EIF4B: variants seen among roughly 807,000 people sequenced by gnomAD.
The protein encoded by EIF4B is eukaryotic translation initiation factor 4B.
EIF4B carries 8 observed loss-of-function variants against 79.3 expected under a neutral mutation model. That is an observed-to-expected ratio of 0.10 (90% CI 0.06 to 0.18). The LOEUF is 0.18. EIF4B is among the 10% of genes least tolerant of loss of function. EIF4B has a pLI of 1.00. For synonymous variants in EIF4B, 238 were observed against 274.7 expected (o/e 0.87, Z 1.32); for missense variants, 515 against 792.4 (o/e 0.65, Z 4.20).
chr12:53,022,355 A>T, intron 5 of EIF4B, 138 bp from the exon 6 acceptor site: 2 of 1,241,258 alleles, frequency 1.6e-6, no homozygotes, highest in Non-Finnish European at 1.2e-6. Context: ...GCATGTACTT[A>T]TGGGGCCTGA....
intron 4 of EIF4B, among the ~76,000 whole-genome samples, chr12:53,020,732 T>C (rs1260260599): frequency 2.6e-5 from 4 of 152,188 alleles, no homozygotes; most frequent in Admixed American, 2.6e-4. Flanking sequence ...AGAAATAGTT[T>C]TGCTGCCTCA....
Position 53,024,648 on chromosome 12 carries a change from C to CTTTGT in EIF4B, c.667+2046_667+2050dup, listed in dbSNP as rs145603743. Among the ~76,000 whole-genome samples the CTTTGT allele has an allele frequency of 7.6e-3, 1,155 of 152,020 alleles. 13 individuals carry two copies. Among genetic ancestry groups the CTTTGT allele is most frequent in the African/African-American group, 0.022 (895 of 41,448 alleles). ...ACAGACCAACTTAAATTTACAAGCT[C>CTTTGT]TTTGTTTTGTTTTGTTTTGTTTTGT... On this transcript the variant is annotated intron_variant, in intron 6 of 14. Coordinates refer to ENST00000262056, the MANE Select transcript of EIF4B (RefSeq NM_001417.7).
At chr12:53,022,266 C>G in intron 5 of EIF4B, 1 of 713,462 alleles carries the variant, frequency 1.4e-6, no homozygotes, top group East Asian at 2.8e-5. Flanking sequence ...ACTCCTGGCC[C>G]ATACAGAATT....
intron 3 of EIF4B, 123 bp downstream of exon 3, chr12:53,019,129 T>A: frequency 8.3e-7 from 1 of 1,201,206 alleles, no homozygotes; most frequent in Non-Finnish European, 1.2e-6. Flanking sequence ...CCGGGAATGG[T>A]GGCTCACGCC....
chr12:53,007,140 C>T (rs573407835), intron 1 of EIF4B, among the ~76,000 whole-genome samples: 1 of 152,278 alleles, frequency 6.6e-6, no homozygotes, highest in African/African-American at 2.4e-5. Context: ...GTTGTCTCTT[C>T]CCTTTCTAGA....
At chr12:53,010,343 G>A (rs150005766) in intron 1 of EIF4B, among the ~76,000 whole-genome samples, 226 of 152,294 alleles carry the variant, frequency 1.5e-3, no homozygotes, top group African/African-American at 5.4e-3. Context: ...AAATCAAAAG[G>A]TGGCTTGCAC....
chr12:53,010,959 A>T (rs971559151), intron 1 of EIF4B, among the ~76,000 whole-genome samples: 1 of 152,220 alleles, frequency 6.6e-6, no homozygotes, highest in African/African-American at 2.4e-5. Flanking sequence ...CATAAAATTT[A>T]CACTTTTAAA....
At chr12:53,026,112 GAAAGAA>G (rs1163252755) in intron 6 of EIF4B, among the ~76,000 whole-genome samples, 1 of 151,954 alleles carries the variant, frequency 6.6e-6, no homozygotes, top group African/African-American at 2.4e-5. Context: ...AAAAAAAAGA[GAAAGAA>G]AAAGATCCCT....
intron 6 of EIF4B, among the ~76,000 whole-genome samples, chr12:53,026,041 G>A (rs1219269335): frequency 6.6e-6 from 1 of 152,094 alleles, no homozygotes; most frequent in East Asian, 1.9e-4. Flanking sequence ...GGAGGTTGCA[G>A]TGAGCCCGCG....
chr12:53,038,749 G>A (rs12296984), intron 12 of EIF4B: 2,394 of 164,920 alleles, frequency 0.015, 140 homozygotes, highest in Admixed American at 0.12. Context: ...CCCGGGAGAC[G>A]GAGGTTGCAG....
rs1377546536 is a variant in EIF4B at position 53,006,511 on chromosome 12, G to T, written c.13+15G>T. On this transcript the variant is annotated intron_variant, in intron 1 of 14. Coordinates refer to ENST00000262056, the MANE Select transcript of EIF4B (RefSeq NM_001417.7). ...GGCGGCCTCAGGTGAGCGAGCAGCC[G>T]AGCGCGGCCAAGGACTGGGCTCTGA... 1 of 1,613,424 alleles carries T rather than the reference G, an allele frequency of 6.2e-7. No homozygotes were observed. The highest frequency in any genetic ancestry group is 1.7e-5 in the Admixed American group (1 of 59,992).
At chr12:53,009,374 A>G (rs1943023596) in intron 1 of EIF4B, among the ~76,000 whole-genome samples, 1 of 152,102 alleles carries the variant, frequency 6.6e-6, no homozygotes, top group Non-Finnish European at 1.5e-5. Flanking sequence ...AAATACAAAA[A>G]TTAGCGGGGT....
intron 1 of EIF4B, among the ~76,000 whole-genome samples, chr12:53,013,241 G>A (rs1943094608): frequency 6.6e-6 from 1 of 152,128 alleles, no homozygotes; most frequent in African/African-American, 2.4e-5. Flanking sequence ...TTCTTTTGTT[G>A]AACTTGACCT....
chr12:53,039,878 A>G, intron 14 of EIF4B, 176 bp downstream of exon 14: 1 of 801,740 alleles, frequency 1.2e-6, no homozygotes, highest in Non-Finnish European at 1.9e-6. Flanking sequence ...GAAATAGCGA[A>G]AGAAGTTTAG....
At position 53,019,121 on chromosome 12, in the gene EIF4B, G is replaced by T. The variant is rs1050394843; in HGVS notation, c.360+115G>T. The T allele has an allele frequency of 2.4e-6, 3 of 1,264,552 alleles. No homozygotes were observed. In the East Asian group the frequency reaches 7.7e-5, roughly 32 times the overall value. 78.3% of individuals were successfully genotyped at this position (1,264,552 alleles called of 1,614,324 possible). On this transcript the variant is annotated intron_variant, in intron 3 of 14. Transcript: ENST00000262056. ...ACAACTAGAAATATAATTTAAGGCC[G>T]GGAATGGTGGCTCACGCCTGTAATC... is the stretch of plus-strand genomic sequence containing the variant.
chr12:53,008,921 G>A (rs1021211976), intron 1 of EIF4B, among the ~76,000 whole-genome samples: 2 of 152,054 alleles, frequency 1.3e-5, no homozygotes, highest in Non-Finnish European at 2.9e-5. Context: ...TGTAATCCCA[G>A]CTACTCCGGA....
chr12:53,037,888 T>C (rs1040614989), intron 11 of EIF4B: 8 of 481,430 alleles, frequency 1.7e-5, no homozygotes, highest in Non-Finnish European at 3.0e-5. Context: ...AGGCTTCCCT[T>C]TTGCCACATA....
intron 8 of EIF4B, among the ~76,000 whole-genome samples, chr12:53,031,990 C>T (rs921165299): frequency 3.9e-5 from 6 of 152,134 alleles, no homozygotes; most frequent in African/African-American, 1.4e-4. Context: ...AATTTAACTT[C>T]CTTGAAACAC....
chr12:53,011,454 C>A (rs975647485), intron 1 of EIF4B, among the ~76,000 whole-genome samples: 1 of 152,158 alleles, frequency 6.6e-6, no homozygotes, highest in African/African-American at 2.4e-5. Context: ...GTCTTTTCAT[C>A]CCAAACCCTC....
Sources: gnomAD v4.1 joint callset for allele counts (sites outside exome capture counted in the v4.1 genomes callset) on GRCh38, gnomAD v4.1.1 for gene constraint, MANE v1.5 for transcripts, NCBI Gene and HGNC (gene_info 2026-07-23, HGNC 2026-07-21) for gene names.